Variants in LTBP1 observed in about 807,000 individuals in gnomAD.
LTBP1 encodes the protein latent-transforming growth factor beta-binding protein 1.
In LTBP1, 129 loss-of-function variants were observed where a neutral mutation model predicts 207.6. The ratio of observed to expected loss-of-function variants is 0.62; its 90% CI spans 0.54 to 0.72. The LOEUF (loss-of-function observed/expected upper bound fraction) is 0.72. Ranked by LOEUF, LTBP1 falls within the 30% of genes least tolerant of loss-of-function variation. The pLI, the probability that LTBP1 is intolerant of heterozygous loss-of-function variation, is 0.00. For missense variants in LTBP1, 2,281 were observed against 2,217.2 expected (o/e 1.03, Z -0.58); for synonymous variants, 963 against 833.7 (o/e 1.16, Z -2.67).
intron 20 of LTBP1, among the ~76,000 whole-genome samples, chr2:33,299,856 A>C (rs1431151910): frequency 6.6e-6 from 1 of 152,202 alleles, no homozygotes; most frequent in Non-Finnish European, 1.5e-5. Context: ...TTGTCAAAGC[A>C]TGTTTAAAAA....
intron 1 of LTBP1, 81 bp downstream of exon 1, chr2:32,947,899 G>C: frequency 8.4e-7 from 1 of 1,193,472 alleles, no homozygotes; most frequent in Admixed American, 4.3e-5. Context: ...AGGGCCACTC[G>C]GAGCCCCGCG....
intron 8 of LTBP1, among the ~76,000 whole-genome samples, chr2:33,218,881 G>C (rs1169487394): frequency 6.6e-6 from 1 of 152,056 alleles, no homozygotes; most frequent in African/African-American, 2.4e-5. Context: ...TGCTTTAAAT[G>C]AATAATTTTT....
At chr2:33,118,195 A>C (rs372119919) in intron 4 of LTBP1, among the ~76,000 whole-genome samples, 3 of 137,626 alleles carry the variant, frequency 2.2e-5, no homozygotes, top group Non-Finnish European at 5.1e-5. Context: ...GTGTGCAAAA[A>C]AAAAAAAACA....
At chr2:33,038,602 C>A (rs547682438) in intron 3 of LTBP1, among the ~76,000 whole-genome samples, 147 of 152,344 alleles carry the variant, frequency 9.6e-4, no homozygotes, top group African/African-American at 3.4e-3. Context: ...TTTATCCTGG[C>A]AAATTTTCTC....
intron 2 of LTBP1, among the ~76,000 whole-genome samples, chr2:33,008,496 A>T (rs541700775): frequency 3.9e-5 from 6 of 152,352 alleles, no homozygotes; most frequent in African/African-American, 1.4e-4. Flanking sequence ...TATGGTATAA[A>T]CAAAAAATTA....
At chr2:33,351,153 C>T (rs974322107) in intron 26 of LTBP1, among the ~76,000 whole-genome samples, 1 of 152,192 alleles carries the variant, frequency 6.6e-6, no homozygotes, top group Non-Finnish European at 1.5e-5. Context: ...TTCGCTAATA[C>T]AGTTCGCTAA....
At chr2:33,391,094 A>C (rs2095310857) in intron 32 of LTBP1, among the ~76,000 whole-genome samples, 2 of 138,614 alleles carry the variant, frequency 1.4e-5, no homozygotes, top group Admixed American at 7.6e-5. Flanking sequence ...TGAAGGATGT[A>C]GTGTATTGAT....
intron 7 of LTBP1, among the ~76,000 whole-genome samples, chr2:33,201,238 C>G (rs1424246403): frequency 6.6e-6 from 1 of 152,034 alleles, no homozygotes; most frequent in Non-Finnish European, 1.5e-5. Context: ...AAATGGCCAA[C>G]AATGATAGAC....
chr2:33,233,182 G>A (rs1383941543), intron 9 of LTBP1, among the ~76,000 whole-genome samples: 1 of 152,092 alleles, frequency 6.6e-6, no homozygotes, highest in Non-Finnish European at 1.5e-5. Context: ...AAAAGTTGGA[G>A]TGTGTTTTTC....
At chr2:33,273,481 T>C (rs764359540) in intron 15 of LTBP1, among the ~76,000 whole-genome samples, 175 bp from the exon 16 acceptor site, 2 of 152,228 alleles carry the variant, frequency 1.3e-5, no homozygotes, top group Non-Finnish European at 2.9e-5. Context: ...ACTAATCCAT[T>C]ATAAAGTAAT....
chr2:33,152,446 G>A, intron 5 of LTBP1, among the ~76,000 whole-genome samples: 1 of 152,116 alleles, frequency 6.6e-6, no homozygotes, highest in East Asian at 1.9e-4. Flanking sequence ...GGTGAACAGG[G>A]AACACTTGTA....
chr2:33,091,792 T>G (rs981873951), intron 3 of LTBP1, among the ~76,000 whole-genome samples: 1 of 152,214 alleles, frequency 6.6e-6, no homozygotes, highest in African/African-American at 2.4e-5. Context: ...CAGTCTTTAG[T>G]CCAGTTTCAT....
chr2:33,300,330 A>T, intron 20 of LTBP1, 121 bp from the exon 21 acceptor site: 3 of 866,762 alleles, frequency 3.5e-6, no homozygotes, highest in Non-Finnish European at 5.5e-6. Flanking sequence ...TAAAGTGTGT[A>T]GTGCCAGACA....
intron 4 of LTBP1, among the ~76,000 whole-genome samples, chr2:33,125,925 T>C (rs1455384439): frequency 2.0e-5 from 3 of 152,088 alleles, no homozygotes; most frequent in African/African-American, 7.2e-5. Context: ...GGGACCTCAG[T>C]TGGTTGGTTC....
chr2:33,340,564 C>T (rs969537056), intron 24 of LTBP1, among the ~76,000 whole-genome samples: 4 of 152,002 alleles, frequency 2.6e-5, no homozygotes, highest in Admixed American at 1.3e-4. Flanking sequence ...GGTGACTGAC[C>T]GGAAGATGAT....
At chr2:32,989,458 G>T (rs1271730617) in intron 2 of LTBP1, among the ~76,000 whole-genome samples, 2 of 152,216 alleles carry the variant, frequency 1.3e-5, no homozygotes, top group African/African-American at 4.8e-5. Flanking sequence ...TAACTTGGAA[G>T]GGTGAGTTAG....
At position 33,134,761 on chromosome 2, in the gene LTBP1, G is replaced by A; in HGVS notation, c.1034-32G>A. 6.2e-7 allele frequency: 1 copy of A among 1,613,834 alleles called. No homozygotes were observed. The highest frequency in any genetic ancestry group is 1.3e-5 in the African/African-American group (1 of 74,908). ...TCATGGATACTAAGCTGATGTGTTTGTTGTTCTTTTTCTCCCTGCCTCCGC... is the reference window on the plus strand; with the variant it reads ...TCATGGATACTAAGCTGATGTGTTTATTGTTCTTTTTCTCCCTGCCTCCGC... On this transcript the variant is annotated intron_variant, in intron 4 of 33. Coordinates refer to ENST00000404816, the MANE Select transcript of LTBP1 (RefSeq NM_206943.4). The surrounding 1 kb of genome is among the most constrained non-coding windows in gnomAD (Gnocchi z 4.4).
chr2:33,243,556 TAAC>T, intron 9 of LTBP1, 103 bp from the exon 10 acceptor site: 1 of 1,013,292 alleles, frequency 9.9e-7, no homozygotes. Flanking sequence ...TTTTTCACTA[TAAC>T]TAAAAGATTA....
chr2:33,279,483 G>A (rs992471992), intron 18 of LTBP1, among the ~76,000 whole-genome samples: 1 of 151,500 alleles, frequency 6.6e-6, no homozygotes, highest in African/African-American at 2.4e-5. Context: ...AGGCTTGGAA[G>A]TATGTGATGA....
Sources: allele counts gnomAD v4.1 joint callset (sites outside exome capture counted in the v4.1 genomes callset), GRCh38; gene constraint gnomAD v4.1.1; non-coding constraint Gnocchi (gnomAD v3.1); transcripts MANE v1.5; gene names NCBI Gene and HGNC (gene_info 2026-07-23, HGNC 2026-07-21).